Variants in ISM2 observed in about 807,000 individuals in gnomAD.
ISM2 encodes the protein isthmin-2.
In ISM2, 50 loss-of-function variants were observed where a neutral mutation model predicts 58.0. The ratio of observed to expected loss-of-function variants is 0.86; its 90% CI spans 0.69 to 1.09. The LOEUF is 1.09. Ranked by LOEUF, ISM2 falls within the 50% of genes least tolerant of loss-of-function variation. ISM2 has a pLI of 0.00. For synonymous variants in ISM2, 303 were observed against 312.4 expected, an observed-to-expected ratio of 0.97 and a Z score of 0.32; for missense variants, 723 against 745.0, an observed-to-expected ratio of 0.97 and a Z score of 0.34.
chr14:77,476,033 C>A lies in ISM2; in HGVS notation c.1278G>T (p.Leu426=). Residue 426 remains leucine, a synonymous_variant, in exon 7 of 7, where the codon CTG becomes CTT. Transcript: ENST00000342219. ...GTGGGTAGGCACACGGGCAGCTGGGCAGGTCCCGCAGCATCTGGCTCAGAT... is the reference window on the plus strand; with the variant it reads ...GTGGGTAGGCACACGGGCAGCTGGGAAGGTCCCGCAGCATCTGGCTCAGAT... ...IKYLSQMLRD[L]PSCPCAYPLE... 1.9e-6 allele frequency: 3 copies of A among 1,562,372 alleles called. No homozygotes were observed. The highest frequency in any genetic ancestry group is 2.3e-5 in the South Asian group (2 of 86,180).
intron 1 of ISM2, among the ~76,000 whole-genome samples, chr14:77,489,534 T>C (rs1255820742): frequency 1.4e-5 from 2 of 146,580 alleles, no homozygotes; most frequent in East Asian, 4.4e-4. Flanking sequence ...ACTACCTTCC[T>C]GATTGGTAAG....
chr14:77,497,541 A>C (rs113304182), intron 1 of ISM2, among the ~76,000 whole-genome samples: 2 of 151,344 alleles, frequency 1.3e-5, no homozygotes, highest in African/African-American at 4.9e-5. Context: ...AAAAATAAAA[A>C]AAATTAGCCA....
chr14:77,475,975 C>T lies in ISM2; in HGVS notation c.1336G>A (p.Asp446Asn). Residue 446 changes from aspartate (D) to asparagine (N), a missense_variant, in exon 7 of 7, where the codon GAC becomes AAC. Coordinates refer to ENST00000342219, the MANE Select transcript of ISM2 (RefSeq NM_199296.3). This position sits in a 1 kb window ranked among gnomAD's most constrained non-coding sequence, Gnocchi z 4.1. ...EAMDSPVSLQ[D>N]EHQGRSFRWR... ...CGGAAGCTGCGGCCCTGGTGCTCGT[C>T]CTGTAGGCTCACAGGGCTGTCCATG... 1 of 1,595,832 alleles carries T rather than the reference C, an allele frequency of 6.3e-7. No homozygotes were observed. The highest frequency in any genetic ancestry group is 1.1e-5 in the South Asian group (1 of 90,740).
chr14:77,488,023 C>T (rs1213674575), intron 1 of ISM2, among the ~76,000 whole-genome samples: 1 of 152,156 alleles, frequency 6.6e-6, no homozygotes, highest in Non-Finnish European at 1.5e-5. Context: ...GGCCGGGCAC[C>T]CAGAGGCCCA....
At position 77,484,584 on chromosome 14, in the gene ISM2, A is replaced by G; in HGVS notation, c.385-19T>C. 6.2e-7 allele frequency: 1 copy of G among 1,601,358 alleles called. No homozygotes were observed. Reference sequence around the variant, plus strand: ...CTGAAGCCTGAGGAAGAGAGAGGGAAGGTGAGGTGACAGGTTAGGGCTTAC... The same window carrying G: ...CTGAAGCCTGAGGAAGAGAGAGGGAGGGTGAGGTGACAGGTTAGGGCTTAC... On this transcript the variant is annotated intron_variant, in intron 2 of 6. Transcript: ENST00000342219.
chr14:77,486,002 C>A (rs964051736), intron 1 of ISM2, among the ~76,000 whole-genome samples: 15 of 152,230 alleles, frequency 9.9e-5, no homozygotes, highest in African/African-American at 3.6e-4. Context: ...ATTTACTGCA[C>A]ACCAGGCACT....
Position 77,498,499 on chromosome 14 carries a change from TG to T in ISM2, c.141+153del, listed in dbSNP as rs1168733593. On this transcript the variant is annotated intron_variant, in intron 1 of 6. Transcript: ENST00000342219. The stretch of plus-strand genomic sequence containing the variant: ...TCCGGCGCACCTGGGCAACGCCCGG[TG>T]TCCGGGAGCTTCCGGCCGGCCCCGG... 6 of 1,235,568 alleles carry T rather than the reference TG, an allele frequency of 4.9e-6. No homozygotes were observed. In the East Asian group the frequency reaches 1.6e-4, roughly 34 times the overall value. The allele number at this position is 1,235,568 out of a possible 1,614,324, so 76.5% of individuals were successfully genotyped here.
At chr14:77,491,759 C>T (rs1261346031) in intron 1 of ISM2, among the ~76,000 whole-genome samples, 3 of 142,440 alleles carry the variant, frequency 2.1e-5, no homozygotes, top group East Asian at 4.2e-4. Flanking sequence ...TGCAGAGGCA[C>T]AATCTCGGCT....
chr14:77,491,653 A>G (rs1424815612), intron 1 of ISM2, among the ~76,000 whole-genome samples: 1 of 151,198 alleles, frequency 6.6e-6, no homozygotes, highest in Non-Finnish European at 1.5e-5. Flanking sequence ...TGGCTTCCCA[A>G]AGTGCTGGAA....
intron 1 of ISM2, among the ~76,000 whole-genome samples, chr14:77,489,161 T>C (rs1307291910): frequency 1.3e-5 from 2 of 152,222 alleles, no homozygotes; most frequent in African/African-American, 2.4e-5. Context: ...TGAGCCCGCC[T>C]GCTAACCTGT....
intron 1 of ISM2, 129 bp downstream of exon 1, chr14:77,498,524 G>T: frequency 7.5e-7 from 1 of 1,331,544 alleles, no homozygotes; most frequent in Non-Finnish European, 1.0e-6. Flanking sequence ...GGCCGGCCCC[G>T]GCCCCTCTCT....
At chr14:77,482,963 G>C in intron 3 of ISM2, 1 of 299,560 alleles carries the variant, frequency 3.3e-6, no homozygotes, top group Non-Finnish European at 6.1e-6. Flanking sequence ...CACATGCCAG[G>C]GTTGACACTC....
chr14:77,482,801 G>T, intron 3 of ISM2, 134 bp from the exon 4 acceptor site: 1 of 601,154 alleles, frequency 1.7e-6, no homozygotes, highest in Non-Finnish European at 2.8e-6. Context: ...TCTCTTGGCT[G>T]ACATTTTTGG....
At chr14:77,491,471 C>T (rs2079203569) in intron 1 of ISM2, among the ~76,000 whole-genome samples, 1 of 152,214 alleles carries the variant, frequency 6.6e-6, no homozygotes. Context: ...TCACCGCAAC[C>T]TCTGCCTCCC....
intron 3 of ISM2, chr14:77,482,885 C>T (rs2079141642): frequency 2.1e-6 from 1 of 473,632 alleles, no homozygotes; most frequent in African/African-American, 2.0e-5. Context: ...CACCTGGGGA[C>T]TCCTAATTCG....
chr14:77,498,525 GC>G (rs2079262694), intron 1 of ISM2, 127 bp downstream of exon 1: 2 of 1,330,128 alleles, frequency 1.5e-6, no homozygotes, highest in African/African-American at 1.5e-5. Context: ...GCCGGCCCCG[GC>G]CCCTCTCTCC....
Position 77,478,605 on chromosome 14 carries a change from TC to T in ISM2, c.1083del (p.Thr362ProfsTer47). ...CAGGAGGGCAGGTCACAGGTACGGGTCTCGGTGGCAGTGCAGCCATAGCCAC... is the reference window on the plus strand; with the variant it reads ...CAGGAGGGCAGGTCACAGGTACGGGTTCGGTGGCAGTGCAGCCATAGCCAC... ...RPCGYGCTAT[E>X]TRTCDLPSCP... On this transcript the variant is annotated frameshift_variant, in exon 5 of 7. Transcript: ENST00000342219. LOFTEE classifies it high-confidence loss of function. The T allele has an allele frequency of 6.2e-7, 1 of 1,613,458 alleles. No homozygotes were observed. The highest frequency in any genetic ancestry group is 1.3e-5 in the African/African-American group (1 of 74,906).
intron 6 of ISM2, 26 bp from the exon 7 acceptor site, chr14:77,476,138 G>A: frequency 1.3e-6 from 2 of 1,503,370 alleles, no homozygotes; most frequent in Non-Finnish European, 1.8e-6. Flanking sequence ...AAGTGCAGGA[G>A]GGAAGCCAGT....
intron 1 of ISM2, among the ~76,000 whole-genome samples, chr14:77,493,147 C>T (rs117708508): frequency 0.069 from 10,436 of 152,282 alleles, 534 homozygotes; most frequent in Admixed American, 0.16. Flanking sequence ...AGGTGCATGC[C>T]ATCAAGCTTG....
Sources: allele counts gnomAD v4.1 joint callset (sites outside exome capture counted in the v4.1 genomes callset), GRCh38; gene constraint gnomAD v4.1.1; non-coding constraint Gnocchi (gnomAD v3.1); transcripts MANE v1.5; gene names NCBI Gene and HGNC (gene_info 2026-07-23, HGNC 2026-07-21).